FIG4: variants seen among roughly 807,000 people sequenced by gnomAD.
The protein encoded by FIG4 is FIG4 phosphoinositide 5-phosphatase.
A neutral mutation model predicts 118.6 loss-of-function variants in FIG4; 112 were observed. The ratio of observed to expected loss-of-function variants is 0.94; its 90% CI spans 0.81 to 1.11. FIG4 has a LOEUF of 1.11. FIG4 is among the 50% of genes least tolerant of loss of function. The pLI, the probability that FIG4 is intolerant of heterozygous loss-of-function variation, is 0.00. For missense variants in FIG4, 969 were observed against 1,111.7 expected (o/e 0.87, Z 1.83); for synonymous variants, 369 against 381.2 (o/e 0.97, Z 0.37).
At chr6:109,774,684 A>G (rs1430824852) in intron 15 of FIG4, among the ~76,000 whole-genome samples, 1 of 152,166 alleles carries the variant, frequency 6.6e-6, no homozygotes, top group African/African-American at 2.4e-5. Flanking sequence ...GTATTTGATA[A>G]CTAGCGAAGT....
intron 18 of FIG4, among the ~76,000 whole-genome samples, chr6:109,788,484 A>G (rs1404291644): frequency 2.0e-5 from 3 of 152,248 alleles, no homozygotes; most frequent in African/African-American, 4.8e-5. Flanking sequence ...GAAATTAAGA[A>G]GCGGAGTACC....
In FIG4 at chr6:109,735,270, T is replaced by G. The variant is rs1208786525; in HGVS notation, c.618T>G (p.Asp206Glu). ...AAGAGAGCTTTGACATCTTTGAAGA[T>G]GAAGGATTAATTACACAAGGTGGAA... ...NRQESFDIFE[D>E]EGLITQGGSG... Residue 206 changes from aspartate to glutamate, a missense_variant, in exon 6 of 23, where the codon GAT becomes GAG. Around this residue, in one of 3 missense-constraint regions of FIG4, gnomAD observed 393 missense variants for 409.4 expected, o/e 0.96. Coordinates refer to ENST00000230124, the MANE Select transcript of FIG4 (RefSeq NM_014845.6). The G allele has an allele frequency of 6.2e-7, 1 of 1,613,468 alleles. No individual in the cohort carries two copies. The highest frequency in any genetic ancestry group is 8.5e-7 in the Non-Finnish European group (1 of 1,179,636).
chr6:109,795,095 G>GTTGTTTT (rs1778241142), intron 21 of FIG4, among the ~76,000 whole-genome samples: 5 of 57,250 alleles, frequency 8.7e-5, no homozygotes, highest in African/African-American at 2.9e-4. Context: ...ACACTTGCCA[G>GTTGTTTT]TTTTTTTTTT....
At chr6:109,797,915 A>AAG (rs376589023) in intron 22 of FIG4, among the ~76,000 whole-genome samples, 2 of 148,064 alleles carry the variant, frequency 1.4e-5, no homozygotes, top group African/African-American at 5.1e-5. Flanking sequence ...AAAAAAAAAA[A>AAG]TGAGTCACTG....
intron 1 of FIG4, chr6:109,701,720 A>G (rs1774914460): frequency 4.2e-6 from 2 of 471,646 alleles, no homozygotes; most frequent in South Asian, 3.1e-5. Context: ...CAAGAACCAC[A>G]TGGTGAGGAA....
chr6:109,762,211 T>G lies in FIG4; in HGVS notation c.1388+4T>G. On this transcript the variant is annotated splice_donor_region_variant and intron_variant, in intron 12 of 22. Coordinates refer to ENST00000230124, the MANE Select transcript of FIG4 (RefSeq NM_014845.6). Reference sequence around the variant, plus strand: ...GCATTTTGCGGCCAGATGAAAAGTATGTATGGTATTTTAAAACTTATAATA... The same window carrying G: ...GCATTTTGCGGCCAGATGAAAAGTAGGTATGGTATTTTAAAACTTATAATA... 6.6e-7 allele frequency: 1 copy of G among 1,517,364 alleles called. No homozygotes were observed. Among genetic ancestry groups the G allele is most frequent in the East Asian group, 2.3e-5 (1 of 44,404 alleles). 94.0% of individuals were successfully genotyped at this position (1,517,364 alleles called of 1,614,324 possible).
chr6:109,736,425 C>A (rs1035951696), intron 6 of FIG4, among the ~76,000 whole-genome samples: 3 of 152,148 alleles, frequency 2.0e-5, no homozygotes, highest in Admixed American at 1.3e-4. Flanking sequence ...ACCCTCCCTA[C>A]TCCCAGATCA....
intron 10 of FIG4, among the ~76,000 whole-genome samples, chr6:109,745,773 G>A (rs1360013798): frequency 6.6e-6 from 1 of 152,040 alleles, no homozygotes; most frequent in Non-Finnish European, 1.5e-5. Context: ...ATGGTTTTGG[G>A]TCTTACGTTT....
intron 3 of FIG4, 39 bp downstream of exon 3, chr6:109,716,607 T>C: frequency 6.2e-7 from 1 of 1,612,106 alleles, no homozygotes. Flanking sequence ...CTCTTGTTTT[T>C]TGTTTTTGTC....
chr6:109,734,331 C>G (rs908423857), intron 5 of FIG4, among the ~76,000 whole-genome samples: 2 of 150,976 alleles, frequency 1.3e-5, no homozygotes, highest in Non-Finnish European at 3.0e-5. Flanking sequence ...CTGGAAAGCC[C>G]CCTCAACACT....
intron 22 of FIG4, among the ~76,000 whole-genome samples, chr6:109,805,038 G>A (rs1467579581): frequency 1.3e-5 from 2 of 152,158 alleles, no homozygotes; most frequent in Non-Finnish European, 1.5e-5. Flanking sequence ...AAATGACAAG[G>A]CAGATGATAA....
At chr6:109,758,972 G>A (rs1777012268) in intron 10 of FIG4, among the ~76,000 whole-genome samples, 1 of 152,216 alleles carries the variant, frequency 6.6e-6, no homozygotes, top group South Asian at 2.1e-4. Flanking sequence ...AGAGGACTTG[G>A]AGAAGTAGGA....
intron 22 of FIG4, among the ~76,000 whole-genome samples, chr6:109,804,908 C>A (rs1025846417): frequency 6.6e-6 from 1 of 151,988 alleles, no homozygotes; most frequent in African/African-American, 2.4e-5. Context: ...CAGTCCATAC[C>A]GTGATACTAA....
At chr6:109,733,558 T>C (rs2128385373) in intron 5 of FIG4, among the ~76,000 whole-genome samples, 1 of 152,180 alleles carries the variant, frequency 6.6e-6, no homozygotes, top group Admixed American at 6.5e-5. Context: ...AAATTATTAA[T>C]ATAGTTAACC....
At position 109,743,754 on chromosome 6, in the gene FIG4, CA is replaced by C. The variant is rs1378318077; in HGVS notation, c.1120del (p.Ile374SerfsTer2). The C allele has an allele frequency of 1.2e-6, 2 of 1,611,828 alleles. No individual in the cohort carries two copies. Among genetic ancestry groups the C allele is most frequent in the Admixed American group, 3.3e-5 (2 of 59,908 alleles). On this transcript the variant is annotated frameshift_variant, in exon 10 of 23. Transcript: ENST00000230124. LOFTEE classifies it high-confidence loss of function. ...MFQRFGSPII[I>X]LNLVKEREKR... ...TCCAGAGGTTTGGCTCTCCCATCAT[CA>C]TCTTGAATTTAGTGAAGGTATGATG... is the stretch of plus-strand genomic sequence containing the variant.
chr6:109,805,988 G>GA lies in FIG4; in HGVS notation c.2546+9144dup, dbSNP rs1332452273. Among the ~76,000 whole-genome samples, 3 of 151,632 alleles carry GA rather than the reference G, an allele frequency of 2.0e-5. No individual in the cohort carries two copies. The South Asian group carries it at 6.2e-4, about 31-fold the overall frequency. ...AGCTTCAGTAAATGTTTAACAGATA[G>GA]AAAAAAACAAAAAATGTAATTTTAG... On this transcript the variant is annotated intron_variant, in intron 22 of 22. Transcript: ENST00000230124.
At chr6:109,762,299 A>T in intron 12 of FIG4, 92 bp downstream of exon 12, 2 of 803,038 alleles carry the variant, frequency 2.5e-6, no homozygotes, top group East Asian at 2.5e-5. Context: ...TGGAAATTGG[A>T]TGAATTTAGT....
At chr6:109,760,566 T>C (rs1004481013) in intron 11 of FIG4, among the ~76,000 whole-genome samples, 183 bp downstream of exon 11, 3 of 152,218 alleles carry the variant, frequency 2.0e-5, no homozygotes, top group Non-Finnish European at 4.4e-5. Flanking sequence ...TTGCCTATCA[T>C]ATATACCATT....
chr6:109,802,285 T>C (rs1245809080), intron 22 of FIG4, among the ~76,000 whole-genome samples: 1 of 152,190 alleles, frequency 6.6e-6, no homozygotes, highest in Non-Finnish European at 1.5e-5. Context: ...TCCCCCTCAC[T>C]GTCCTTTCTG....
Sources: allele counts gnomAD v4.1 joint callset (sites outside exome capture counted in the v4.1 genomes callset), GRCh38; gene constraint gnomAD v4.1.1; regional missense constraint gnomAD v4.1.1; transcripts MANE v1.5; gene names NCBI Gene and HGNC (gene_info 2026-07-23, HGNC 2026-07-21).